Variants in TCERG1 observed in about 807,000 individuals in gnomAD.
TCERG1 encodes transcription elongation regulator 1, also known as TATA box binding protein (TBP)-associated factor, RNA polymerase II, S, 150kD.
TCERG1 carries 37 observed loss-of-function variants against 144.7 expected under a neutral mutation model. That is an observed-to-expected ratio of 0.26 (90% CI 0.20 to 0.34). The LOEUF (loss-of-function observed/expected upper bound fraction) is 0.34. Ranked by LOEUF, TCERG1 falls within the 10% of genes least tolerant of loss-of-function variation. The probability of loss-of-function intolerance (pLI) is 1.00; values close to 1 mark genes in which losing one functional copy is unlikely to be tolerated. For synonymous variants in TCERG1, 492 were observed against 458.2 expected (o/e 1.07, Z -0.94); for missense variants, 1,027 against 1,380.7 (o/e 0.74, Z 4.06).
At chr5:146,505,444 T>TA (rs1767894426) in intron 19 of TCERG1, 1 of 150,198 alleles carries the variant, frequency 6.7e-6, no homozygotes, top group Non-Finnish European at 1.5e-5. Context: ...GTTCATTTCT[T>TA]ACCTCCCACC....
intron 3 of TCERG1, among the ~76,000 whole-genome samples, chr5:146,458,029 T>C (rs892562200): frequency 2.0e-5 from 3 of 152,122 alleles, no homozygotes; most frequent in Non-Finnish European, 4.4e-5. Context: ...TTTGTATTTT[T>C]AATAGAGACA....
At chr5:146,499,106 T>C (rs1435491206) in intron 17 of TCERG1, among the ~76,000 whole-genome samples, 1 of 152,206 alleles carries the variant, frequency 6.6e-6, no homozygotes, top group African/African-American at 2.4e-5. Flanking sequence ...ATATCTTACA[T>C]ATAAATTATT....
chr5:146,509,691 A>G (rs913952266), intron 22 of TCERG1, among the ~76,000 whole-genome samples: 19 of 151,628 alleles, frequency 1.3e-4, no homozygotes, highest in Admixed American at 1.0e-3. Flanking sequence ...TTTTTCCCTC[A>G]GAGGAAAGCA....
intron 2 of TCERG1, among the ~76,000 whole-genome samples, chr5:146,456,854 C>G (rs1033555787): frequency 1.3e-5 from 2 of 152,034 alleles, no homozygotes; most frequent in African/African-American, 2.4e-5. Flanking sequence ...AGTGATGTGC[C>G]TGGTATTAAA....
At position 146,503,808 on chromosome 5, in the gene TCERG1, GT is replaced by G. The variant is rs1356249818; in HGVS notation, c.2599-11del. The G allele has an allele frequency of 2.5e-6, 4 of 1,570,604 alleles. No homozygotes were observed. The highest frequency in any genetic ancestry group is 1.4e-5 in the African/African-American group (1 of 72,518). On this transcript the variant is annotated splice_polypyrimidine_tract_variant and intron_variant, in intron 18 of 22. Transcript: ENST00000679501. ...TGGAGTTGGTAAGAAGGATAATGTA[GT>G]TTTTGCTTTTACAGAATTTAGACTC...
chr5:146,469,534 CT>C lies in TCERG1; in HGVS notation c.1199-3del. 1.9e-6 allele frequency: 3 copies of C among 1,562,170 alleles called. No homozygotes were observed. The highest frequency in any genetic ancestry group is 1.2e-5 in the South Asian group (1 of 81,496). On this transcript the variant is annotated splice_polypyrimidine_tract_variant and intron_variant, in intron 6 of 22. Transcript: ENST00000679501. ...TACTTGGATCTAATTTTTTATTATT[CT>C]TTTTTTAGGTGTATTGCCAGGAATG...
chr5:146,496,781 A>G (rs1766941180), intron 16 of TCERG1, among the ~76,000 whole-genome samples: 1 of 151,344 alleles, frequency 6.6e-6, no homozygotes, highest in East Asian at 1.9e-4. Context: ...GGGCTTAAGC[A>G]GTCATCCTGA....
At position 146,459,009 on chromosome 5, in the gene TCERG1, G is replaced by A. The variant is rs758454423; in HGVS notation, c.564G>A (p.Gln188=). The A allele has an allele frequency of 2.0e-5, 33 of 1,613,068 alleles. No individual in the cohort carries two copies. The change falls in exon 4 of 23, where the codon CAG becomes CAA. Residue 188 remains glutamine, a synonymous_variant. Transcript: ENST00000679501. ...AGGCACAGGTTCAGGCTCAGGCCCA[G>A]GCGCAGGCTCAGGCCCAGGCGCAGG... The part of the protein sequence containing the change: ...AAQAQVQAQA[Q]AQAQAQAQAQ...
At chr5:146,491,854 G>A (rs746123086) in intron 15 of TCERG1, among the ~76,000 whole-genome samples, 1 of 152,142 alleles carries the variant, frequency 6.6e-6, no homozygotes, top group Admixed American at 6.6e-5. Context: ...GTAGACATAC[G>A]TAAGGGTATA....
Position 146,482,694 on chromosome 5 carries a change from G to T in TCERG1, c.2040G>T (p.Met680Ile), listed in dbSNP as rs1365232964. 1 of 1,613,200 alleles carries T rather than the reference G, an allele frequency of 6.2e-7. No homozygotes were observed. The highest frequency in any genetic ancestry group is 2.2e-5 in the East Asian group (1 of 44,826). The change falls in exon 14 of 23, where the codon ATG becomes ATT. Residue 680 changes from methionine to isoleucine, a missense_variant. Met to Ile is a conservative substitution (Grantham distance 10). Transcript: ENST00000679501. The part of the protein sequence containing the change: ...ERAIVPLEAR[M>I]KQFKDMLLER... ...CCATTGTCCCTCTGGAGGCTCGAAT[G>T]AAGCAGTTCAAGGACATGCTGCTAG... is the stretch of plus-strand genomic sequence containing the variant.
rs34057709 is a variant in TCERG1, at chr5:146,482,281, CTT to C, written c.1938-300_1938-299del. The C allele has an allele frequency of 5.5e-4, 89 of 163,224 alleles. No homozygotes were observed. In the East Asian group the frequency reaches 6.8e-3, roughly 12 times the overall value. The allele number at this position is 163,224 out of a possible 1,614,324, so 10.1% of individuals were successfully genotyped here. On this transcript the variant is annotated intron_variant, in intron 13 of 22. Transcript: ENST00000679501. ...CATAGAGGTTTACTGCAGTGTTAAA[CTT>C]TTTTTTTTTTAAGTAAGGTTGCTCC...
At position 146,453,772 on chromosome 5, in the gene TCERG1, T is replaced by TA. The variant is rs775482064; in HGVS notation, c.60-1267dup. Among the ~76,000 whole-genome samples the TA allele has an allele frequency of 4.4e-3, 609 of 138,136 alleles. 1 individual carries two copies. Among genetic ancestry groups the TA allele is most frequent in the Admixed American group, 5.7e-3 (79 of 13,778 alleles). 90.6% of individuals were successfully genotyped at this position (138,136 alleles called of 152,430 possible). ...TGCCAACATGGCAAAACCCTGTCTC[T>TA]AAAAAAAAAAAAAAAAATTGTGTTG... On this transcript the variant is annotated intron_variant, in intron 1 of 22. Coordinates refer to ENST00000679501, the MANE Select transcript of TCERG1 (RefSeq NM_001382548.1).
At chr5:146,470,567 T>G in intron 7 of TCERG1, 69 bp from the exon 8 acceptor site, 1 of 1,285,634 alleles carries the variant, frequency 7.8e-7, no homozygotes, top group African/African-American at 1.5e-5. Flanking sequence ...CTTAATGGCT[T>G]ATTCTCTGAA....
intron 2 of TCERG1, among the ~76,000 whole-genome samples, chr5:146,455,889 T>C (rs905979058): frequency 7.9e-5 from 12 of 152,246 alleles, no homozygotes; most frequent in Non-Finnish European, 1.8e-4. Flanking sequence ...CTCCAGTGTA[T>C]CCAGACTTAC....
chr5:146,469,767 TGG>T (rs764008265), intron 7 of TCERG1, 23 bp downstream of exon 7: 1 of 1,502,724 alleles, frequency 6.7e-7, no homozygotes, highest in African/African-American at 1.4e-5. Flanking sequence ...TTTAATGACT[TGG>T]AAAGTAGTAT....
rs747225729 is a variant in TCERG1, at chr5:146,507,721, C to T, written c.2962-152C>T. On this transcript the variant is annotated intron_variant, in intron 20 of 22. Transcript: ENST00000679501. This position sits in a 1 kb window ranked among gnomAD's most constrained non-coding sequence, Gnocchi z 4.6. ...AGCCAACAAAAAGAAATTGCATTAA[C>T]GCTGCTTCCCTGTCCCTAACTAGTC... 6.9e-5 allele frequency: 34 copies of T among 495,240 alleles called. No homozygotes were observed. The highest frequency in any genetic ancestry group is 9.8e-5 in the Non-Finnish European group (28 of 285,912). 30.7% of individuals were successfully genotyped at this position (495,240 alleles called of 1,614,324 possible).
Position 146,463,780 on chromosome 5 carries a change from A to G in TCERG1, c.1122A>G (p.Pro374=). ...TTCGTGTTCCCCTTCCTGGCATGCC[A>G]ATTCCACTTCCAGGTAAACCAACAG... ...PPFRVPLPGM[P]IPLPGVAMMQ... The change falls in exon 5 of 23, where the codon CCA becomes CCG. Residue 374 remains proline, a synonymous_variant. Transcript: ENST00000679501. 1 of 1,614,202 alleles carries G rather than the reference A, an allele frequency of 6.2e-7. No homozygotes were observed. The highest frequency in any genetic ancestry group is 8.5e-7 in the Non-Finnish European group (1 of 1,180,032).
At position 146,463,666 on chromosome 5, in the gene TCERG1, C is replaced by T. The variant is rs776754414; in HGVS notation, c.1008C>T (p.His336=). Residue 336 remains histidine, a synonymous_variant, in exon 5 of 23, where the codon CAC becomes CAT. Transcript: ENST00000679501. ...ATPVQTVPQP[H]PQTLPPAVPH... ...CTGTGCAAACCGTTCCCCAGCCGCACCCTCAGACGTTACCTCCTGCTGTTC... is the reference window on the plus strand; with the variant it reads ...CTGTGCAAACCGTTCCCCAGCCGCATCCTCAGACGTTACCTCCTGCTGTTC... 1.9e-6 allele frequency: 3 copies of T among 1,614,192 alleles called. No homozygotes were observed. Among genetic ancestry groups the T allele is most frequent in the East Asian group, 2.2e-5 (1 of 44,876 alleles).
intron 9 of TCERG1, among the ~76,000 whole-genome samples, chr5:146,478,108 T>G (rs1294736902): frequency 1.3e-5 from 2 of 152,238 alleles, no homozygotes; most frequent in Non-Finnish European, 2.9e-5. Flanking sequence ...AGAACTATAG[T>G]AGCTAGGATG....
Sources: allele counts gnomAD v4.1 joint callset (sites outside exome capture counted in the v4.1 genomes callset), GRCh38; gene constraint gnomAD v4.1.1; non-coding constraint Gnocchi (gnomAD v3.1); transcripts MANE v1.5; gene names NCBI Gene and HGNC (gene_info 2026-07-23, HGNC 2026-07-21).